EYS: variants seen among roughly 807,000 people sequenced by gnomAD.
EYS encodes EGF-like photoreceptor maintenance factor.
In EYS, 250 loss-of-function variants were observed where a neutral mutation model predicts 282.1. That is an observed-to-expected ratio of 0.89 (90% CI 0.80 to 0.98). The LOEUF is 0.98. Ranked by LOEUF, EYS falls within the 50% of genes least tolerant of loss-of-function variation. The pLI is 0.00. For synonymous variants in EYS, 1,355 were observed against 1,282.9 expected (o/e 1.06, Z -1.20); for missense variants, 4,016 against 3,709.0 (o/e 1.08, Z -2.15).
intron 12 of EYS, among the ~76,000 whole-genome samples, chr6:65,217,796 T>C (rs1002840833): frequency 1.3e-5 from 2 of 152,114 alleles, no homozygotes; most frequent in African/African-American, 2.4e-5. Context: ...ACAGAAAATA[T>C]AGAGTTTTCT....
intron 19 of EYS, among the ~76,000 whole-genome samples, chr6:64,858,342 T>C (rs1026337110): frequency 5.3e-5 from 8 of 152,170 alleles, no homozygotes; most frequent in Non-Finnish European, 1.2e-4. Flanking sequence ...GCATCACTGA[T>C]TGGGGAGACT....
At chr6:64,203,075 C>T (rs1765511729) in intron 31 of EYS, among the ~76,000 whole-genome samples, 1 of 152,174 alleles carries the variant, frequency 6.6e-6, no homozygotes, top group Non-Finnish European at 1.5e-5. Flanking sequence ...CAAGAGTTTC[C>T]TCTATGTCCA....
intron 26 of EYS, among the ~76,000 whole-genome samples, chr6:64,447,258 A>C (rs1775146511): frequency 6.6e-6 from 1 of 152,118 alleles, no homozygotes; most frequent in Admixed American, 6.5e-5. Context: ...AAATCTCTGC[A>C]TATTTAATAC....
intron 19 of EYS, among the ~76,000 whole-genome samples, chr6:64,845,283 C>T (rs923673115): frequency 2.0e-5 from 3 of 151,574 alleles, no homozygotes; most frequent in African/African-American, 7.3e-5. Context: ...AGAGAAAGTG[C>T]TTATCTAAAA....
chr6:65,262,646 A>C (rs13340460), intron 12 of EYS, among the ~76,000 whole-genome samples: 5,268 of 152,200 alleles, frequency 0.035, 121 homozygotes, highest in African/African-American at 0.064. Flanking sequence ...TTATGATATG[A>C]TACAATAAGA....
chr6:64,945,609 T>A (rs1039003884), intron 15 of EYS, among the ~76,000 whole-genome samples, 184 bp downstream of exon 15: 2 of 152,230 alleles, frequency 1.3e-5, no homozygotes, highest in Middle Eastern at 3.4e-3. Flanking sequence ...TTTGTTGACA[T>A]CTGCCCTTCA....
intron 28 of EYS, among the ~76,000 whole-genome samples, chr6:64,411,136 A>T (rs922818149): frequency 2.0e-5 from 3 of 152,096 alleles, no homozygotes; most frequent in Non-Finnish European, 2.9e-5. Flanking sequence ...CCATAGTTCT[A>T]TTTTTAAGTA....
At chr6:64,922,849 A>G (rs1381505400) in intron 15 of EYS, among the ~76,000 whole-genome samples, 1 of 152,172 alleles carries the variant, frequency 6.6e-6, no homozygotes, top group Non-Finnish European at 1.5e-5. Context: ...GGAACGGAGG[A>G]CACAGAGCAG....
intron 22 of EYS, among the ~76,000 whole-genome samples, chr6:64,783,643 A>G (rs1320096973): frequency 6.6e-6 from 1 of 152,156 alleles, no homozygotes; most frequent in Non-Finnish European, 1.5e-5. Flanking sequence ...TCAGAATTCA[A>G]TAATATTTCA....
intron 24 of EYS, among the ~76,000 whole-genome samples, chr6:64,596,218 A>T (rs1238366667): frequency 6.7e-6 from 1 of 149,384 alleles, no homozygotes; most frequent in Non-Finnish European, 1.5e-5. Context: ...CATCTCCAGC[A>T]CTGGGGATTG....
chr6:65,288,477 A>T (rs1333292905), intron 12 of EYS, among the ~76,000 whole-genome samples: 1 of 150,582 alleles, frequency 6.6e-6, no homozygotes, highest in Non-Finnish European at 1.5e-5. Flanking sequence ...TCATAGATAC[A>T]AGCACACACA....
chr6:65,498,849 C>T (rs1341786818), intron 2 of EYS, among the ~76,000 whole-genome samples: 1 of 151,950 alleles, frequency 6.6e-6, no homozygotes. Context: ...AGACATTCTT[C>T]AAACCCTGTC....
intron 19 of EYS, 27 bp from the exon 20 acceptor site, chr6:64,822,849 A>C (rs369126253): frequency 6.5e-7 from 1 of 1,527,852 alleles, no homozygotes. Flanking sequence ...AAGGCAAAAC[A>C]TGAAACCATT....
chr6:63,905,000 A>G (rs540959817), intron 35 of EYS, among the ~76,000 whole-genome samples: 30 of 152,350 alleles, frequency 2.0e-4, no homozygotes, highest in Middle Eastern at 3.4e-3. Context: ...ATCTAGTTCT[A>G]GAATATTTTT....
intron 1 of EYS, among the ~76,000 whole-genome samples, chr6:65,693,260 T>C (rs1053175295): frequency 6.7e-6 from 1 of 149,732 alleles, no homozygotes; most frequent in Non-Finnish European, 1.5e-5. Flanking sequence ...CTCCCATTTT[T>C]CTCCTTATGT....
In EYS at chr6:64,454,013, TA is replaced by T. The variant is rs200909643; in HGVS notation, c.5645-14662del. Among the ~76,000 whole-genome samples, 287 of 150,166 alleles carry T rather than the reference TA, an allele frequency of 1.9e-3. 1 individual carries two copies. Among genetic ancestry groups the T allele is most frequent in the African/African-American group, 5.1e-3 (210 of 41,026 alleles). On this transcript the variant is annotated intron_variant, in intron 26 of 42. Coordinates refer to ENST00000503581, the MANE Select transcript of EYS (RefSeq NM_001142800.2). ...CCTAAAACTTAAAGTATAATAATAA[TA>T]AAAAAAAAATTTGTTACCAGTTGGC...
chr6:65,543,647 T>G (rs1768266544), intron 2 of EYS, among the ~76,000 whole-genome samples: 1 of 152,062 alleles, frequency 6.6e-6, no homozygotes, highest in Non-Finnish European at 1.5e-5. Context: ...TCATTAATCT[T>G]CTCCCTATGA....
chr6:65,013,054 A>G (rs1392498315), intron 13 of EYS, among the ~76,000 whole-genome samples: 4 of 152,146 alleles, frequency 2.6e-5, no homozygotes, highest in Non-Finnish European at 5.9e-5. Context: ...TGGAAATTGC[A>G]TTGAACAAAC....
At chr6:65,170,625 A>G (rs1334109410) in intron 12 of EYS, among the ~76,000 whole-genome samples, 1 of 151,536 alleles carries the variant, frequency 6.6e-6, no homozygotes, top group Non-Finnish European at 1.5e-5. Context: ...AATGGTTTCA[A>G]TAGCATAAAT....
Sources: allele counts gnomAD v4.1 joint callset (sites outside exome capture counted in the v4.1 genomes callset), GRCh38; gene constraint gnomAD v4.1.1; transcripts MANE v1.5; gene names NCBI Gene and HGNC (gene_info 2026-07-23, HGNC 2026-07-21).